The following YPEL2 variants were observed in gnomAD, a reference collection of about 807,000 sequenced individuals.
YPEL2 encodes yippee like 2, also known as protein yippee-like 2.
A neutral mutation model predicts 19.1 loss-of-function variants in YPEL2; 2 were observed. The ratio of observed to expected loss-of-function variants is 0.10; its 90% CI spans 0.04 to 0.33. The LOEUF (loss-of-function observed/expected upper bound fraction) is 0.33. Ranked by LOEUF, YPEL2 falls within the 10% of genes least tolerant of loss-of-function variation. The pLI is 1.00. For missense variants in YPEL2, 66 were observed against 140.7 expected (o/e 0.47, Z 2.68); for synonymous variants, 52 against 50.0 (o/e 1.04, Z -0.17).
intron 1 of YPEL2, among the ~76,000 whole-genome samples, chr17:59,352,186 T>C (rs907999999): frequency 1.3e-5 from 2 of 152,178 alleles, no homozygotes; most frequent in African/African-American, 4.8e-5. Flanking sequence ...AGGTGTTAAT[T>C]AACACTGCCT....
rs955578027 is a variant in YPEL2, at chr17:59,401,680, C to T, written c.*4490C>T. 8.5e-5 allele frequency: 13 copies of T among 152,616 alleles called. No individual in the cohort carries two copies. The highest frequency in any genetic ancestry group is 2.7e-4 in the African/African-American group (11 of 41,444). The allele number at this position is 152,616 out of a possible 1,614,324, so 9.5% of individuals were successfully genotyped here. A position where few individuals can be genotyped will look rare whatever the true frequency, so the allele number is the denominator to read the frequency against. On this transcript the variant is annotated 3_prime_UTR_variant, in exon 5 of 5. Transcript: ENST00000312655. Reference sequence around the variant, plus strand: ...AAAGTGCATTGTTTCTGTCATATTTCCAATCTGTGTTGGTGCTCATTTGAG... The same window carrying T: ...AAAGTGCATTGTTTCTGTCATATTTTCAATCTGTGTTGGTGCTCATTTGAG...
At chr17:59,376,949 C>CAAAAAAA (rs59030676) in intron 2 of YPEL2, among the ~76,000 whole-genome samples, 2 of 48,544 alleles carry the variant, frequency 4.1e-5, no homozygotes, top group Non-Finnish European at 9.0e-5. Flanking sequence ...CACACTGTCT[C>CAAAAAAA]AAAAAAAAAA....
intron 2 of YPEL2, among the ~76,000 whole-genome samples, chr17:59,376,722 A>AT (rs2047922741): frequency 1.3e-5 from 2 of 152,180 alleles, no homozygotes; most frequent in South Asian, 4.2e-4. Context: ...TTATTTCATA[A>AT]TTTCTAACTC....
chr17:59,369,774 T>C (rs2047887727), intron 2 of YPEL2, among the ~76,000 whole-genome samples: 1 of 152,258 alleles, frequency 6.6e-6, no homozygotes, highest in South Asian at 2.1e-4. Context: ...AGTAGTTCCC[T>C]GGAGGTCCAA....
At chr17:59,343,548 G>A (rs1235997606) in intron 1 of YPEL2, among the ~76,000 whole-genome samples, 2 of 152,130 alleles carry the variant, frequency 1.3e-5, no homozygotes, top group Non-Finnish European at 2.9e-5. Flanking sequence ...TAAGGGATGA[G>A]CAGGCATTTA....
chr17:59,394,772 A>G (rs893612283), intron 4 of YPEL2, among the ~76,000 whole-genome samples: 1 of 152,212 alleles, frequency 6.6e-6, no homozygotes, highest in Non-Finnish European at 1.5e-5. Flanking sequence ...AGCCGAGATC[A>G]CGCCACTGCA....
chr17:59,385,658 G>A (rs2047976228), intron 2 of YPEL2, among the ~76,000 whole-genome samples: 1 of 152,182 alleles, frequency 6.6e-6, no homozygotes, highest in Non-Finnish European at 1.5e-5. Flanking sequence ...AAGAGGATGA[G>A]GAGGGGAGGA....
chr17:59,388,205 C>A, intron 2 of YPEL2, 122 bp from the exon 3 acceptor site: 1 of 938,690 alleles, frequency 1.1e-6, no homozygotes, highest in Non-Finnish European at 1.8e-6. Flanking sequence ...CGTTAACTGG[C>A]TCAGTACTCC....
In YPEL2 at chr17:59,398,520, C is replaced by T. The variant is rs745841020; in HGVS notation, c.*1330C>T. 6.6e-6 allele frequency: 1 copy of T among 152,092 alleles called. No homozygotes were observed. Among genetic ancestry groups the T allele is most frequent in the Non-Finnish European group, 1.5e-5 (1 of 68,058 alleles). 9.4% of individuals were successfully genotyped at this position (152,092 alleles called of 1,614,324 possible). ...GTTCTGCCCAAATTCCGATATCACC[C>T]CTTCCCCCATCCAAGCATCCTTCGA... On this transcript the variant is annotated 3_prime_UTR_variant, in exon 5 of 5. Transcript: ENST00000312655.
chr17:59,393,010 A>T (rs541395928), intron 4 of YPEL2, among the ~76,000 whole-genome samples: 2 of 152,202 alleles, frequency 1.3e-5, no homozygotes, highest in African/African-American at 4.8e-5. Flanking sequence ...TCTGTAAGTG[A>T]TGGTTCAATG....
intron 2 of YPEL2, among the ~76,000 whole-genome samples, chr17:59,360,226 G>A (rs867010035): frequency 2.8e-4 from 43 of 152,264 alleles, no homozygotes; most frequent in African/African-American, 8.7e-4. Context: ...ACAGGCACCC[G>A]CCACCACGCC....
intron 2 of YPEL2, among the ~76,000 whole-genome samples, chr17:59,363,622 CCTCT>C (rs1389530833): frequency 6.6e-6 from 1 of 152,188 alleles, no homozygotes; most frequent in African/African-American, 2.4e-5. Context: ...TGAACACTTT[CCTCT>C]TTATTGAGCA....
At chr17:59,364,334 A>AG (rs1032616745) in intron 2 of YPEL2, among the ~76,000 whole-genome samples, 1 of 152,098 alleles carries the variant, frequency 6.6e-6, no homozygotes, top group Non-Finnish European at 1.5e-5. Context: ...GCCCTGGGAG[A>AG]GGGCTGGCAT....
At chr17:59,339,259 G>A (rs189449599) in intron 1 of YPEL2, among the ~76,000 whole-genome samples, 21 of 152,256 alleles carry the variant, frequency 1.4e-4, no homozygotes, top group Admixed American at 7.2e-4. Flanking sequence ...TGGTATGAAC[G>A]TGCACATTAC....
intron 2 of YPEL2, among the ~76,000 whole-genome samples, chr17:59,367,310 A>G (rs1039001460): frequency 6.6e-6 from 1 of 152,184 alleles, no homozygotes; most frequent in African/African-American, 2.4e-5. Flanking sequence ...TTGGTTCACT[A>G]ACTTCCAGAG....
intron 1 of YPEL2, among the ~76,000 whole-genome samples, chr17:59,339,311 C>A (rs76291839): frequency 6.6e-6 from 1 of 152,132 alleles, no homozygotes; most frequent in African/African-American, 2.4e-5. Flanking sequence ...GTTTTGCTCG[C>A]GGGGCTCTTT....
chr17:59,341,593 A>G (rs751116122), intron 1 of YPEL2, among the ~76,000 whole-genome samples: 11 of 152,112 alleles, frequency 7.2e-5, no homozygotes, highest in Non-Finnish European at 1.2e-4. Context: ...TGGGAGGCGC[A>G]GGTTGCAGTG....
In YPEL2 at chr17:59,370,230, T is replaced by C. The variant is rs575289222; in HGVS notation, c.117+16704T>C. Among the ~76,000 whole-genome samples the C allele has an allele frequency of 7.6e-3, 1,154 of 150,872 alleles. 3 individuals carry two copies. Among genetic ancestry groups the C allele is most frequent in the Middle Eastern group, 0.017 (5 of 292 alleles). On this transcript the variant is annotated intron_variant, in intron 2 of 4. Transcript: ENST00000312655. ...GGCGCCTGCCACCATGCCCGGCTAA[T>C]TTTTTGTATTTTTTAGTAGAGACGG...
chr17:59,384,404 T>C (rs981050146), intron 2 of YPEL2, among the ~76,000 whole-genome samples: 4 of 152,210 alleles, frequency 2.6e-5, no homozygotes, highest in African/African-American at 9.6e-5. Context: ...TCATCTCATA[T>C]GCAAAACATT....
Sources: allele counts gnomAD v4.1 joint callset (sites outside exome capture counted in the v4.1 genomes callset), GRCh38; gene constraint gnomAD v4.1.1; transcripts MANE v1.5; gene names NCBI Gene and HGNC (gene_info 2026-07-23, HGNC 2026-07-21).